PPP1R9A: variants seen among roughly 807,000 people sequenced by gnomAD.
PPP1R9A encodes protein phosphatase 1 regulatory subunit 9A, also known as neurabin-1.
Under a neutral mutation model 141.9 loss-of-function variants are expected in PPP1R9A, and 59 were observed. The ratio of observed to expected loss-of-function variants is 0.42; its 90% CI spans 0.34 to 0.52. PPP1R9A has a LOEUF of 0.52. Ranked by LOEUF, PPP1R9A falls within the 20% of genes least tolerant of loss-of-function variation. PPP1R9A has a pLI of 0.10. For missense variants in PPP1R9A, 1,444 were observed against 1,611.9 expected, an observed-to-expected ratio of 0.90 and a Z score of 1.78; for synonymous variants, 500 against 569.7, an observed-to-expected ratio of 0.88 and a Z score of 1.74.
chr7:95,108,815 A>AT (rs1181099697), intron 2 of PPP1R9A: 1 of 152,154 alleles, frequency 6.6e-6, no homozygotes, highest in Non-Finnish European at 1.5e-5. Context: ...TGAAACAGTT[A>AT]TTTCATACTT....
At chr7:95,017,184 C>G (rs932638266) in intron 2 of PPP1R9A, among the ~76,000 whole-genome samples, 1 of 152,068 alleles carries the variant, frequency 6.6e-6, no homozygotes, top group Non-Finnish European at 1.5e-5. Flanking sequence ...GCCTCTAGAA[C>G]TGCAAGATAA....
intron 7 of PPP1R9A, among the ~76,000 whole-genome samples, chr7:95,220,215 G>T (rs1353868353): frequency 1.3e-5 from 2 of 152,094 alleles, no homozygotes; most frequent in African/African-American, 4.8e-5. Flanking sequence ...TGGATGGTTG[G>T]TGCAGATTTA....
At chr7:94,976,777 C>A (rs1434594037) in intron 2 of PPP1R9A, among the ~76,000 whole-genome samples, 1 of 152,052 alleles carries the variant, frequency 6.6e-6, no homozygotes, top group Admixed American at 6.6e-5. Flanking sequence ...GATCTGGAAT[C>A]TTTTATTTAT....
chr7:95,096,271 G>A (rs986429502), intron 2 of PPP1R9A, among the ~76,000 whole-genome samples: 5 of 152,150 alleles, frequency 3.3e-5, no homozygotes, highest in African/African-American at 1.2e-4. Context: ...TCCCTCATGT[G>A]TTCCTCTTGT....
rs546477368 is a variant in PPP1R9A, at chr7:95,141,386, G to A, written c.1650-20481G>A. Among the ~76,000 whole-genome samples the A allele has an allele frequency of 5.9e-5, 9 of 152,164 alleles. No individual in the cohort carries two copies. The South Asian group carries it at 1.9e-3, about 32-fold the overall frequency. ...ATACCATATAGTTTACTCATTTAAA[G>A]TGTACAATTCAGTGGTTTTGTGAAT... On this transcript the variant is annotated intron_variant, in intron 4 of 19. Transcript: ENST00000433360.
intron 5 of PPP1R9A, among the ~76,000 whole-genome samples, chr7:95,175,416 G>A (rs1230830364): frequency 6.6e-6 from 1 of 151,554 alleles, no homozygotes. Context: ...AGACTATTTA[G>A]GAAAGATTGA....
chr7:95,082,128 G>T (rs114263201), intron 2 of PPP1R9A, among the ~76,000 whole-genome samples: 2,257 of 152,242 alleles, frequency 0.015, 49 homozygotes, highest in African/African-American at 0.051. Flanking sequence ...TTGGGGCGAG[G>T]TGTGAAAGAG....
chr7:95,091,126 A>AT (rs1042557872), intron 2 of PPP1R9A, among the ~76,000 whole-genome samples: 4 of 150,624 alleles, frequency 2.7e-5, no homozygotes, highest in African/African-American at 9.8e-5. Context: ...GTTGGACTTG[A>AT]TTTTTTTTAC....
intron 2 of PPP1R9A, among the ~76,000 whole-genome samples, chr7:95,105,391 C>T (rs1819368340): frequency 1.3e-5 from 2 of 152,138 alleles, no homozygotes; most frequent in African/African-American, 4.8e-5. Context: ...ACTTGTTACC[C>T]CTGAAAGCCT....
intron 12 of PPP1R9A, among the ~76,000 whole-genome samples, chr7:95,255,994 T>C (rs2695696): frequency 0.62 from 94,590 of 151,744 alleles, 30,396 homozygotes; most frequent in African/African-American, 0.79. Flanking sequence ...TCATTTCATT[T>C]TCACACCTAC....
intron 2 of PPP1R9A, among the ~76,000 whole-genome samples, chr7:94,998,279 TC>T (rs1802438527): frequency 6.6e-6 from 1 of 152,188 alleles, no homozygotes; most frequent in South Asian, 2.1e-4. Flanking sequence ...TCTGTTGGTC[TC>T]TACCTAACAC....
At chr7:95,232,922 G>T (rs1358914242) in intron 8 of PPP1R9A, among the ~76,000 whole-genome samples, 1 of 152,178 alleles carries the variant, frequency 6.6e-6, no homozygotes, top group Non-Finnish European at 1.5e-5. Context: ...CTGTTGGTGG[G>T]AGTGTAAATT....
intron 2 of PPP1R9A, among the ~76,000 whole-genome samples, chr7:94,970,236 G>A (rs1235148153): frequency 1.3e-5 from 2 of 152,160 alleles, no homozygotes; most frequent in Non-Finnish European, 2.9e-5. Context: ...TGCCCAAACG[G>A]CCATCCAGTT....
At chr7:95,248,281 A>G (rs767975876) in intron 9 of PPP1R9A, among the ~76,000 whole-genome samples, 3 of 147,282 alleles carry the variant, frequency 2.0e-5, no homozygotes, top group Non-Finnish European at 4.5e-5. Context: ...CCCGCCCCCA[A>G]TCACCACCAC....
intron 2 of PPP1R9A, among the ~76,000 whole-genome samples, chr7:94,980,182 T>TA (rs71292968): frequency 0.54 from 67,563 of 125,966 alleles, 17,900 homozygotes; most frequent in Middle Eastern, 0.62. Context: ...GCTGATGAGC[T>TA]AAAAAAAAAA....
intron 2 of PPP1R9A, among the ~76,000 whole-genome samples, chr7:94,922,958 A>C (rs1793030169): frequency 6.6e-6 from 1 of 152,180 alleles, no homozygotes; most frequent in Non-Finnish European, 1.5e-5. Flanking sequence ...CTTTTAATGT[A>C]CTTTTATTTG....
intron 4 of PPP1R9A, among the ~76,000 whole-genome samples, chr7:95,146,199 G>A (rs899508548): frequency 3.3e-5 from 5 of 152,220 alleles, no homozygotes; most frequent in Non-Finnish European, 5.9e-5. Flanking sequence ...ATTCTTACTG[G>A]CGTGAGATGG....
chr7:95,063,765 G>T (rs2152093934), intron 2 of PPP1R9A, among the ~76,000 whole-genome samples: 1 of 152,278 alleles, frequency 6.6e-6, no homozygotes, highest in Non-Finnish European at 1.5e-5. Flanking sequence ...CATCAGGAGA[G>T]TTGCGGAAAT....
intron 8 of PPP1R9A, among the ~76,000 whole-genome samples, chr7:95,241,982 A>G (rs1332163684): frequency 7.2e-5 from 11 of 152,144 alleles, no homozygotes; most frequent in Admixed American, 7.2e-4. Flanking sequence ...ATCTCACCCA[A>G]TGCTACATAT....
Sources: allele counts gnomAD v4.1 joint callset (sites outside exome capture counted in the v4.1 genomes callset), GRCh38; gene constraint gnomAD v4.1.1; transcripts MANE v1.5; gene names NCBI Gene and HGNC (gene_info 2026-07-23, HGNC 2026-07-21).